Variants in SHISA9 observed in about 807,000 individuals in gnomAD.
SHISA9 encodes the protein shisa family member 9, also known as protein shisa-9.
In SHISA9, 13 loss-of-function variants were observed where a neutral mutation model predicts 38.0. The ratio of observed to expected loss-of-function variants is 0.34; its 90% CI spans 0.22 to 0.54. The LOEUF is 0.54. Ranked by LOEUF, SHISA9 falls within the 20% of genes least tolerant of loss-of-function variation. SHISA9 has a pLI of 0.91. For missense variants in SHISA9, 538 were observed against 575.8 expected (o/e 0.93, Z 0.67); for synonymous variants, 275 against 242.0 (o/e 1.14, Z -1.27).
intron 2 of SHISA9, among the ~76,000 whole-genome samples, chr16:13,077,856 T>C (rs577869623): frequency 6.6e-6 from 1 of 152,300 alleles, no homozygotes; most frequent in South Asian, 2.1e-4. Context: ...GAAAGTCCAA[T>C]TTACACAAAA....
At position 12,916,605 on chromosome 16, in the gene SHISA9, G is replaced by C. The variant is rs1480662596; in HGVS notation, c.564-83G>C. Reference sequence around the variant, plus strand: ...CATGGAGTAATCCGCCTTGCCATTTGTTCGCGACTGCAGTACTCGGCGCAT... The same window carrying C: ...CATGGAGTAATCCGCCTTGCCATTTCTTCGCGACTGCAGTACTCGGCGCAT... On this transcript the variant is annotated intron_variant, in intron 1 of 4. Coordinates refer to ENST00000558583, the MANE Select transcript of SHISA9 (RefSeq NM_001145204.3). The C allele has an allele frequency of 3.4e-6, 5 of 1,453,286 alleles. No individual in the cohort carries two copies. The Admixed American group carries it at 1.3e-4, about 38-fold the overall frequency. 90.0% of individuals were successfully genotyped at this position (1,453,286 alleles called of 1,614,324 possible). A position where few individuals can be genotyped will look rare whatever the true frequency, so the allele number is the denominator to read the frequency against.
At chr16:13,417,427 G>A in the SHISA9 span, among the ~76,000 whole-genome samples, 1 of 152,168 alleles carries the variant, frequency 6.6e-6, no homozygotes, top group Non-Finnish European at 1.5e-5. Flanking sequence ...AAAGGAGAAG[G>A]GAGAACTGGG....
At chr16:13,466,427 C>T in the SHISA9 span, among the ~76,000 whole-genome samples, 1 of 152,144 alleles carries the variant, frequency 6.6e-6, no homozygotes. Context: ...TGAAAAACTA[C>T]AACATCTCAA....
chr16:12,932,356 T>G (rs1375618753), intron 2 of SHISA9, among the ~76,000 whole-genome samples: 5 of 152,194 alleles, frequency 3.3e-5, no homozygotes, highest in Non-Finnish European at 5.9e-5. Flanking sequence ...TTTTTTTCTT[T>G]TTTGAGATGG....
At chr16:13,512,156 C>T in the SHISA9 span, among the ~76,000 whole-genome samples, 4 of 152,026 alleles carry the variant, frequency 2.6e-5, no homozygotes, top group Non-Finnish European at 5.9e-5. Flanking sequence ...GAACAAAGCT[C>T]AAGAATATTT....
chr16:13,011,462 T>C (rs1018648980), intron 2 of SHISA9, among the ~76,000 whole-genome samples: 61 of 152,106 alleles, frequency 4.0e-4, no homozygotes, highest in Admixed American at 2.4e-3. Context: ...TTTGTGTCCT[T>C]TACCCACATC....
the SHISA9 span, among the ~76,000 whole-genome samples, chr16:13,261,758 A>T: frequency 5.9e-5 from 9 of 152,300 alleles, no homozygotes; most frequent in Non-Finnish European, 1.2e-4. Context: ...ACTTTCTGTG[A>T]CCTGAAATGG....
the SHISA9 span, among the ~76,000 whole-genome samples, chr16:13,298,656 T>C: frequency 6.6e-6 from 1 of 152,212 alleles, no homozygotes; most frequent in Non-Finnish European, 1.5e-5. Context: ...CACCATGCAG[T>C]GTTGCCTCCA....
At chr16:13,471,463 C>T in the SHISA9 span, among the ~76,000 whole-genome samples, 1 of 152,190 alleles carries the variant, frequency 6.6e-6, no homozygotes, top group Admixed American at 6.5e-5. Flanking sequence ...GGAATATAAG[C>T]ACTGACAAAT....
At chr16:13,212,300 C>T (rs1339019735) in intron 3 of SHISA9, among the ~76,000 whole-genome samples, 1 of 152,122 alleles carries the variant, frequency 6.6e-6, no homozygotes, top group Non-Finnish European at 1.5e-5. Context: ...GGAGAGGTCT[C>T]GTGGGTAGGG....
chr16:13,416,644 C>T, the SHISA9 span, among the ~76,000 whole-genome samples: 8 of 151,664 alleles, frequency 5.3e-5, no homozygotes, highest in African/African-American at 1.5e-4. Context: ...TCCAGGAGTT[C>T]GAGGCTGCAC....
intron 2 of SHISA9, among the ~76,000 whole-genome samples, chr16:13,022,000 C>G (rs1358848618): frequency 2.0e-5 from 3 of 152,170 alleles, no homozygotes; most frequent in Non-Finnish European, 4.4e-5. Context: ...TGCGCTCCCT[C>G]TGAGGTCTCG....
chr16:13,408,100 C>G, the SHISA9 span, among the ~76,000 whole-genome samples: 1 of 152,108 alleles, frequency 6.6e-6, no homozygotes, highest in African/African-American at 2.4e-5. Context: ...AGCTCTTTAG[C>G]AGAAGCTCTT....
At chr16:13,084,569 G>C (rs553266346) in intron 2 of SHISA9, among the ~76,000 whole-genome samples, 1 of 152,270 alleles carries the variant, frequency 6.6e-6, no homozygotes, top group Non-Finnish European at 1.5e-5. Context: ...CTCCAGACAG[G>C]TTCCTCTTTC....
chr16:12,970,489 ATATATATATTTTTT>A (rs2072062802), intron 2 of SHISA9, among the ~76,000 whole-genome samples: 2 of 26,378 alleles, frequency 7.6e-5, no homozygotes, highest in Non-Finnish European at 7.1e-5. Flanking sequence ...ATATATATAT[ATATATATATTTTTT>A]TTTTTTTTTT....
At chr16:13,070,871 C>T (rs76326482) in intron 2 of SHISA9, among the ~76,000 whole-genome samples, 9,103 of 152,202 alleles carry the variant, frequency 0.06, 408 homozygotes, top group Admixed American at 0.14. Flanking sequence ...GTCCTCACAG[C>T]CGCCTTCCCT....
chr16:13,440,529 T>C, the SHISA9 span, among the ~76,000 whole-genome samples: 1 of 152,206 alleles, frequency 6.6e-6, no homozygotes, highest in African/African-American at 2.4e-5. Flanking sequence ...GACGCCCCCT[T>C]TGCATGTCTC....
chr16:12,969,175 GA>G (rs1197808846), intron 2 of SHISA9, among the ~76,000 whole-genome samples: 3 of 141,144 alleles, frequency 2.1e-5, no homozygotes, highest in South Asian at 5.1e-4. Flanking sequence ...AAAAAAAAAA[GA>G]AAAAAAAACG....
chr16:12,902,184 G>A lies in SHISA9; in HGVS notation c.120G>A (p.Leu40=). ...TGGCGCAACTGGGCGGCGTGTTGCT[G>A]CTGGCGGGGGGCAACCGCTCCGGGG... is the stretch of plus-strand genomic sequence containing the variant. ...GQLAQLGGVL[L]LAGGNRSGAA... is the part of the protein sequence containing the mutation. Residue 40 remains leucine (L), a synonymous_variant, in exon 1 of 5, where the codon CTG becomes CTA. Transcript: ENST00000558583. 6.5e-7 allele frequency: 1 copy of A among 1,530,310 alleles called. No individual in the cohort carries two copies. The highest frequency in any genetic ancestry group is 1.4e-5 in the African/African-American group (1 of 72,690). The allele number at this position is 1,530,310 out of a possible 1,614,324, so 94.8% of individuals were successfully genotyped here. A position where few individuals can be genotyped will look rare whatever the true frequency, so the allele number is the denominator to read the frequency against.
Sources: gnomAD v4.1 joint callset for allele counts (sites outside exome capture counted in the v4.1 genomes callset) on GRCh38, gnomAD v4.1.1 for gene constraint, MANE v1.5 for transcripts, NCBI Gene and HGNC (gene_info 2026-07-23, HGNC 2026-07-21) for gene names.